The following KLRG1 variants were observed in gnomAD, a reference collection of about 807,000 sequenced individuals.
KLRG1 encodes killer cell lectin-like receptor subfamily G member 1.
In KLRG1, 16 loss-of-function variants were observed where a neutral mutation model predicts 21.8. That is an observed-to-expected ratio of 0.73 (90% CI 0.50 to 1.11). KLRG1 has a LOEUF of 1.11. KLRG1 is among the 50% of genes most tolerant of loss of function. KLRG1 has a pLI of 0.00. For missense variants in KLRG1, 173 were observed against 218.3 expected, an observed-to-expected ratio of 0.79 and a Z score of 1.31; for synonymous variants, 69 against 75.9, an observed-to-expected ratio of 0.91 and a Z score of 0.47.
At chr12:8,954,743 A>G (rs943396345) in intron 1 of KLRG1, among the ~76,000 whole-genome samples, 10 of 152,132 alleles carry the variant, frequency 6.6e-5, no homozygotes, top group Non-Finnish European at 1.5e-4. Flanking sequence ...AGTTCCCATT[A>G]TATTCATTGT....
chr12:9,030,084 G>C, the KLRG1 span, among the ~76,000 whole-genome samples: 3 of 152,012 alleles, frequency 2.0e-5, no homozygotes, highest in African/African-American at 7.3e-5. Flanking sequence ...TTATTATTTG[G>C]TTTCACATTT....
the KLRG1 span, among the ~76,000 whole-genome samples, chr12:9,110,560 G>T: frequency 1.8e-4 from 27 of 151,654 alleles, no homozygotes; most frequent in Admixed American, 1.6e-3. Flanking sequence ...GGCATGCAAT[G>T]CATGATAATA....
the KLRG1 span, among the ~76,000 whole-genome samples, chr12:9,129,331 A>AT: frequency 5.9e-5 from 9 of 152,270 alleles, no homozygotes; most frequent in African/African-American, 2.2e-4. Context: ...GTACAAATAA[A>AT]TGGTCATTAC....
chr12:9,144,164 GAA>G, the KLRG1 span, among the ~76,000 whole-genome samples: 8 of 151,778 alleles, frequency 5.3e-5, no homozygotes, highest in Non-Finnish European at 1.2e-4. Flanking sequence ...GCCACATGAG[GAA>G]GAGAGAGAGA....
chr12:9,091,340 C>T, the KLRG1 span: 2 of 1,614,066 alleles, frequency 1.2e-6, no homozygotes, highest in African/African-American at 2.7e-5. Context: ...GATACCAAGT[C>T]CAGCATCTTC....
chr12:9,120,852 C>CATGTGTGTGTGTGT, the KLRG1 span, among the ~76,000 whole-genome samples: 2,247 of 143,450 alleles, frequency 0.016, 43 homozygotes, highest in African/African-American at 0.036. Context: ...ATCCCACTAA[C>CATGTGTGTGTGTGT]GTGTGTGTGT....
downstream of KLRG1, among the ~76,000 whole-genome samples, chr12:9,015,455 T>C (rs946887387): frequency 6.6e-6 from 1 of 152,104 alleles, no homozygotes; most frequent in Non-Finnish European, 1.5e-5. Flanking sequence ...AGCAAGAGGA[T>C]ATAATAATTA....
the KLRG1 span, chr12:9,197,255 C>T: frequency 1.7e-6 from 1 of 595,584 alleles, no homozygotes; most frequent in Non-Finnish European, 2.9e-6. Context: ...AAGTAGAAAG[C>T]TGTCTGGAAA....
chr12:9,203,833 C>T, the KLRG1 span: 2 of 1,614,110 alleles, frequency 1.2e-6, no homozygotes, highest in Non-Finnish European at 1.7e-6. Context: ...CTCCTGTTTT[C>T]CCTGCCAGAC....
At chr12:9,074,555 C>G in the KLRG1 span, 1 of 1,603,710 alleles carries the variant, frequency 6.2e-7, no homozygotes, top group Non-Finnish European at 8.5e-7. Flanking sequence ...TGGCAAATCA[C>G]CAACCTGGGT....
the KLRG1 span, among the ~76,000 whole-genome samples, chr12:9,143,540 G>A: frequency 6.6e-6 from 1 of 152,080 alleles, no homozygotes; most frequent in African/African-American, 2.4e-5. Flanking sequence ...TATTAAGAAG[G>A]ATTTCATGAG....
In KLRG1 at chr12:9,010,096, G is replaced by T; in HGVS notation, c.*559G>T. ...AGCTATTTGGGAAGCTGAGGTGGGA[G>T]GGTCGCTTGAGCCCAGGAGTTTGAG... On this transcript the variant is annotated 3_prime_UTR_variant, in exon 5 of 5. Coordinates refer to ENST00000356986, the MANE Select transcript of KLRG1 (RefSeq NM_005810.4). 7.5e-7 allele frequency: 1 copy of T among 1,330,132 alleles called. No homozygotes were observed. Among genetic ancestry groups the T allele is most frequent in the Non-Finnish European group, 1.0e-6 (1 of 962,894 alleles). The allele number at this position is 1,330,132 out of a possible 1,614,324, so 82.4% of individuals were successfully genotyped here. A position where few individuals can be genotyped will look rare whatever the true frequency, so the allele number is the denominator to read the frequency against.
intron 3 of KLRG1, among the ~76,000 whole-genome samples, chr12:9,002,375 A>G (rs1384914203): frequency 3.3e-5 from 5 of 152,208 alleles, no homozygotes; most frequent in Non-Finnish European, 7.3e-5. Flanking sequence ...CTAAAAAAGC[A>G]AAAAAGGAAA....
intron 1 of KLRG1, among the ~76,000 whole-genome samples, chr12:8,964,245 C>T (rs1946427597): frequency 6.6e-6 from 1 of 152,066 alleles, no homozygotes; most frequent in Non-Finnish European, 1.5e-5. Flanking sequence ...GTCTTTGTTC[C>T]TGTTGGTTTC....
intron 1 of KLRG1, among the ~76,000 whole-genome samples, chr12:8,969,486 G>A (rs191588263): frequency 4.5e-4 from 68 of 152,068 alleles, no homozygotes; most frequent in African/African-American, 1.4e-3. Context: ...GCTGGCTACC[G>A]TAGCAGGTGA....
chr12:9,079,756 A>G, the KLRG1 span: 3 of 1,613,488 alleles, frequency 1.9e-6, no homozygotes, highest in Non-Finnish European at 2.5e-6. Flanking sequence ...TGCTCTCCAC[A>G]GCCATAGGGC....
At chr12:9,040,755 A>G in the KLRG1 span, among the ~76,000 whole-genome samples, 2 of 152,180 alleles carry the variant, frequency 1.3e-5, no homozygotes, top group Non-Finnish European at 2.9e-5. Flanking sequence ...TTCATGCTCA[A>G]AATGTTTTGA....
At chr12:9,054,851 G>T in the KLRG1 span, among the ~76,000 whole-genome samples, 1 of 152,216 alleles carries the variant, frequency 6.6e-6, no homozygotes, top group African/African-American at 2.4e-5. Flanking sequence ...AACTTTTCAA[G>T]TGCTGAAGTG....
chr12:9,197,865 AAT>A, the KLRG1 span, among the ~76,000 whole-genome samples: 1 of 119,888 alleles, frequency 8.3e-6, no homozygotes, highest in Non-Finnish European at 1.6e-5. Context: ...AATTATATAT[AAT>A]ATATAATATA....
Sources: gnomAD v4.1 joint callset for allele counts (sites outside exome capture counted in the v4.1 genomes callset) on GRCh38, gnomAD v4.1.1 for gene constraint, MANE v1.5 for transcripts, NCBI Gene and HGNC (gene_info 2026-07-23, HGNC 2026-07-21) for gene names.